Variants in ERCC2 observed in about 807,000 individuals in gnomAD.
ERCC2 encodes ERCC excision repair 2, TFIIH core complex helicase subunit, also known as general transcription and DNA repair factor IIH helicase subunit XPD.
ERCC2 carries 90 observed loss-of-function variants against 99.4 expected under a neutral mutation model. The ratio of observed to expected loss-of-function variants is 0.91; its 90% CI spans 0.76 to 1.08. The LOEUF (loss-of-function observed/expected upper bound fraction) is 1.08. Among genes scored for constraint, ERCC2 ranks in the 50% least tolerant of loss-of-function variants. The probability of loss-of-function intolerance (pLI) is 0.00; values close to 1 mark genes in which losing one functional copy is unlikely to be tolerated. For synonymous variants in ERCC2, 497 were observed against 432.4 expected, an observed-to-expected ratio of 1.15 and a Z score of -1.85; for missense variants, 993 against 1,038.1, an observed-to-expected ratio of 0.96 and a Z score of 0.60.
At chr19:45,358,359 C>A (rs932181046) in intron 12 of ERCC2, 1 of 191,702 alleles carries the variant, frequency 5.2e-6, no homozygotes, top group Non-Finnish European at 1.1e-5. Flanking sequence ...CAAAGCCGGG[C>A]AGCTCTGCCT....
chr19:45,367,392 CACACACACAT>C (rs959241235), intron 5 of ERCC2, among the ~76,000 whole-genome samples: 5 of 141,546 alleles, frequency 3.5e-5, no homozygotes, highest in African/African-American at 1.0e-4. Flanking sequence ...CACACACACA[CACACACACAT>C]ATAAAAACAT....
chr19:45,352,687 G>A (rs1335827992), intron 20 of ERCC2, 38 bp from the exon 21 acceptor site: 17 of 1,613,804 alleles, frequency 1.1e-5, no homozygotes, highest in Non-Finnish European at 1.4e-5. Context: ...GGAGGTGGGG[G>A]AGCCACTCCT....
chr19:45,350,083 C>T lies in ERCC2; in HGVS notation c.*1546G>A, dbSNP rs1599715078. 5.9e-6 allele frequency: 3 copies of T among 512,384 alleles called. No homozygotes were observed. In the East Asian group the frequency reaches 1.0e-4, roughly 17 times the overall value. The allele number at this position is 512,384 out of a possible 1,614,324, so 31.7% of individuals were successfully genotyped here. On this transcript the variant is annotated 3_prime_UTR_variant, in exon 23 of 23. Transcript: ENST00000391945. Reference sequence around the variant, plus strand: ...GCCGAGCTCCAAACCCACTCTGCCCCAGGGCAAGGCTTTAGGCAGGGGAAG... The same window carrying T: ...GCCGAGCTCCAAACCCACTCTGCCCTAGGGCAAGGCTTTAGGCAGGGGAAG...
chr19:45,350,528 G>C lies in ERCC2; in HGVS notation c.*1101C>G. On this transcript the variant is annotated 3_prime_UTR_variant, in exon 23 of 23. Coordinates refer to ENST00000391945, the MANE Select transcript of ERCC2 (RefSeq NM_000400.4). ...TTTCCCCCTAGGTGCCCCCAACACA[G>C]GCACAGCTGGTGACGCAGAACAGGT... 1 of 1,613,882 alleles carries C rather than the reference G, an allele frequency of 6.2e-7. No individual in the cohort carries two copies.
chr19:45,365,326 G>A (rs1483912073), intron 5 of ERCC2, among the ~76,000 whole-genome samples, 168 bp from the exon 6 acceptor site: 1 of 152,188 alleles, frequency 6.6e-6, no homozygotes, highest in African/African-American at 2.4e-5. Flanking sequence ...TACAAGAGTA[G>A]TAAAATTGGG....
chr19:45,363,721 C>G, intron 11 of ERCC2, 22 bp downstream of exon 11: 2 of 1,525,804 alleles, frequency 1.3e-6, no homozygotes, highest in South Asian at 1.2e-5. Flanking sequence ...GCCCCCACCC[C>G]GCGCGCTGTC....
At chr19:45,353,707 C>A (rs1971912017) in intron 17 of ERCC2, among the ~76,000 whole-genome samples, 1 of 152,176 alleles carries the variant, frequency 6.6e-6, no homozygotes, top group Admixed American at 6.5e-5. Flanking sequence ...AAGGACAGAC[C>A]ACTGGGACAG....
rs572026532 is a variant in ERCC2, at chr19:45,364,341, G to C, written c.719-10C>G. 9.9e-6 allele frequency: 16 copies of C among 1,613,842 alleles called. No homozygotes were observed. The highest frequency in any genetic ancestry group is 5.3e-5 in the African/African-American group (4 of 74,936). ...TCGATGCAGACGTTGTCTGGAGAAG[G>C]GGGAGAGAGCCGGCTCAGGCAGGCC... On this transcript the variant is annotated splice_polypyrimidine_tract_variant and intron_variant, in intron 8 of 22. Coordinates refer to ENST00000391945, the MANE Select transcript of ERCC2 (RefSeq NM_000400.4).
At position 45,351,665 on chromosome 19, in the gene ERCC2, C is replaced by T. The variant is rs200756227; in HGVS notation, c.2247G>A (p.Thr749=). 26 of 1,614,036 alleles carry T rather than the reference C, an allele frequency of 1.6e-5. No homozygotes were observed. Among genetic ancestry groups the T allele is most frequent in the African/African-American group, 1.3e-4 (10 of 75,050 alleles). The change falls in exon 23 of 23, where the codon ACG becomes ACA. Residue 749 remains threonine (T), a synonymous_variant. Transcript: ENST00000391945. The part of the protein sequence containing the change: ...LSLEQLESEE[T]LKRIEQIAQQ... ...GAGCAATCTGCTCTATCCTCTTCAG[C>T]GTCTCCTCTGATTCTAGCTGCTCCA...
chr19:45,352,160 A>G, intron 22 of ERCC2, 49 bp downstream of exon 22: 2 of 1,602,978 alleles, frequency 1.2e-6, no homozygotes, highest in Non-Finnish European at 1.7e-6. Flanking sequence ...GACTTTCTGG[A>G]GGAGAAGCTC....
chr19:45,353,049 A>G, intron 19 of ERCC2, 34 bp downstream of exon 19: 1 of 1,598,784 alleles, frequency 6.3e-7, no homozygotes, highest in Non-Finnish European at 8.6e-7. Flanking sequence ...AGCTCTGGGA[A>G]GACACCTGGG....
intron 22 of ERCC2, 83 bp from the exon 23 acceptor site, chr19:45,351,804 C>G (rs1799730): frequency 3.3e-6 from 4 of 1,203,448 alleles, no homozygotes; most frequent in African/African-American, 3.0e-5. Context: ...ACCACCCCCC[C>G]GAATGGCCAG....
rs758495395 is a variant in ERCC2, at chr19:45,363,886, C to G, written c.975G>C (p.Thr325=). 1.9e-6 allele frequency: 3 copies of G among 1,549,682 alleles called. No homozygotes were observed. The highest frequency in any genetic ancestry group is 2.6e-6 in the Non-Finnish European group (3 of 1,154,552). Residue 325 remains threonine (T), a synonymous_variant, in exon 11 of 23, where the codon ACG becomes ACC. Coordinates refer to ENST00000391945, the MANE Select transcript of ERCC2 (RefSeq NM_000400.4). ...LQEAVPGSIR[T]AEHFLGFLRR... is the part of the protein sequence containing the mutation. ...TCAGGAAGCCCAGGAAATGCTCGGC[C>G]GTGCGGATGGAGCCAGGCACTGCCT...
At chr19:45,368,313 G>A (rs1425567892) in intron 5 of ERCC2, among the ~76,000 whole-genome samples, 4 of 152,168 alleles carry the variant, frequency 2.6e-5, no homozygotes, top group Non-Finnish European at 5.9e-5. Context: ...GGAAGACTGA[G>A]GCCCAGGTGG....
chr19:45,363,725 C>T lies in ERCC2; in HGVS notation c.1118+18G>A. The T allele has an allele frequency of 1.3e-6, 2 of 1,526,572 alleles. No individual in the cohort carries two copies. The highest frequency in any genetic ancestry group is 1.8e-6 in the Non-Finnish European group (2 of 1,141,320). The allele number at this position is 1,526,572 out of a possible 1,614,324, so 94.6% of individuals were successfully genotyped here. On this transcript the variant is annotated intron_variant, in intron 11 of 22. Coordinates refer to ENST00000391945, the MANE Select transcript of ERCC2 (RefSeq NM_000400.4). ...GGACCTGCCGGGCCCCCACCCCGCG[C>T]GCTGTCTGGGGCCGCACCTGAGGGG...
intron 16 of ERCC2, 45 bp from the exon 17 acceptor site, chr19:45,354,896 C>T (rs1971959796): frequency 1.9e-6 from 3 of 1,612,570 alleles, no homozygotes; most frequent in African/African-American, 2.7e-5. Flanking sequence ...CCAGGTCCTC[C>T]TCCCTTCTCT....
At chr19:45,359,490 G>C (rs1369402653) in intron 12 of ERCC2, among the ~76,000 whole-genome samples, 1 of 152,210 alleles carries the variant, frequency 6.6e-6, no homozygotes, top group East Asian at 1.9e-4. Flanking sequence ...TGAGCCCCTG[G>C]TCAGCTTCAC....
At position 45,352,535 on chromosome 19, in the gene ERCC2, C is replaced by T. The variant is rs2123223978; in HGVS notation, c.2017G>A (p.Asp673Asn). 1.2e-6 allele frequency: 2 copies of T among 1,614,154 alleles called. No homozygotes were observed. The highest frequency in any genetic ancestry group is 1.7e-6 in the Non-Finnish European group (2 of 1,180,024). The change falls in exon 21 of 23, where the codon GAC becomes AAC. Residue 673 changes from aspartate (D) to asparagine (N), a missense_variant. Transcript: ENST00000391945. ...TCGGCAAAGACCATGAGGCCGTAGT[C>T]CGTCTTGCCCCTGATGGCCCGACCC... ...CVGRAIRGKT[D>N]YGLMVFADKR...
intron 5 of ERCC2, among the ~76,000 whole-genome samples, chr19:45,366,624 A>C (rs981959149): frequency 6.6e-6 from 1 of 152,216 alleles, no homozygotes; most frequent in Non-Finnish European, 1.5e-5. Context: ...CTAAGGCACC[A>C]TCACAGCCTA....
Sources: gnomAD v4.1 joint callset for allele counts (sites outside exome capture counted in the v4.1 genomes callset) on GRCh38, gnomAD v4.1.1 for gene constraint, MANE v1.5 for transcripts, NCBI Gene and HGNC (gene_info 2026-07-23, HGNC 2026-07-21) for gene names.